TMEM132B: variants seen among roughly 807,000 people sequenced by gnomAD.
The protein encoded by TMEM132B is transmembrane protein 132B.
In TMEM132B, 18 loss-of-function variants were observed where a neutral mutation model predicts 90.8. That is an observed-to-expected ratio of 0.20 (90% CI 0.14 to 0.29). TMEM132B has a LOEUF of 0.29. Ranked by LOEUF, TMEM132B falls within the 10% of genes least tolerant of loss-of-function variation. The pLI is 1.00. For missense variants in TMEM132B, 1,096 were observed against 1,326.8 expected, an observed-to-expected ratio of 0.83 and a Z score of 2.70; for synonymous variants, 504 against 523.3, an observed-to-expected ratio of 0.96 and a Z score of 0.50.
At chr12:125,435,464 T>C (rs1880672919) in intron 3 of TMEM132B, among the ~76,000 whole-genome samples, 1 of 152,130 alleles carries the variant, frequency 6.6e-6, no homozygotes, top group Non-Finnish European at 1.5e-5. Flanking sequence ...ACATCCTCCC[T>C]GGTCGCCAAG....
At chr12:125,280,318 C>A (rs1875122203) in intron 1 of TMEM132B, among the ~76,000 whole-genome samples, 1 of 152,142 alleles carries the variant, frequency 6.6e-6, no homozygotes, top group Admixed American at 6.5e-5. Context: ...TGTATAAAAA[C>A]TTCACTATGT....
At chr12:125,206,522 A>G (rs749897683) in intron 1 of TMEM132B, among the ~76,000 whole-genome samples, 11 of 152,042 alleles carry the variant, frequency 7.2e-5, no homozygotes, top group Non-Finnish European at 1.6e-4. Context: ...ACAGGAGTGA[A>G]CTACTGCCCC....
intron 4 of TMEM132B, among the ~76,000 whole-genome samples, chr12:125,567,447 A>G (rs7956406): frequency 0.95 from 144,609 of 151,994 alleles, 68,835 homozygotes; most frequent in African/African-American, 0.98. Flanking sequence ...CCTGCCCCAC[A>G]CATCTCTTTC....
chr12:125,233,347 T>C (rs1216752343), intron 1 of TMEM132B, among the ~76,000 whole-genome samples: 2 of 152,230 alleles, frequency 1.3e-5, no homozygotes, highest in Non-Finnish European at 2.9e-5. Flanking sequence ...CATCTTTGGC[T>C]TGTGACTTCC....
intron 5 of TMEM132B, among the ~76,000 whole-genome samples, chr12:125,639,374 C>T (rs1886570617): frequency 6.6e-6 from 1 of 152,224 alleles, no homozygotes; most frequent in African/African-American, 2.4e-5. Context: ...TGCCTTCTTA[C>T]AGATACACAC....
At chr12:125,364,175 G>A (rs929364827) in intron 2 of TMEM132B, among the ~76,000 whole-genome samples, 2 of 152,080 alleles carry the variant, frequency 1.3e-5, no homozygotes, top group Non-Finnish European at 2.9e-5. Context: ...AAGGTTGAAG[G>A]GTGTCTAGGG....
At chr12:125,255,309 CT>C (rs1183701763) in intron 1 of TMEM132B, among the ~76,000 whole-genome samples, 8 of 152,018 alleles carry the variant, frequency 5.3e-5, no homozygotes, top group Admixed American at 2.0e-4. Flanking sequence ...CTCACCCCCC[CT>C]CCTCTCTTCT....
chr12:125,321,450 T>C (rs554956505), intron 1 of TMEM132B, among the ~76,000 whole-genome samples: 1 of 151,604 alleles, frequency 6.6e-6, no homozygotes, highest in African/African-American at 2.4e-5. Flanking sequence ...GAATGTAAAA[T>C]GGTGTAGTCA....
intron 1 of TMEM132B, among the ~76,000 whole-genome samples, chr12:125,206,526 C>T (rs1471025350): frequency 1.3e-5 from 2 of 152,218 alleles, no homozygotes; most frequent in Non-Finnish European, 2.9e-5. Flanking sequence ...GAGTGAACTA[C>T]TGCCCCTGGT....
intron 1 of TMEM132B, among the ~76,000 whole-genome samples, chr12:125,281,764 C>A (rs1875184445): frequency 6.6e-6 from 1 of 152,042 alleles, no homozygotes; most frequent in South Asian, 2.1e-4. Flanking sequence ...CGCGGTGGCT[C>A]ACGCCTGTAA....
chr12:125,615,237 A>G (rs567122314), intron 5 of TMEM132B, among the ~76,000 whole-genome samples: 4 of 152,034 alleles, frequency 2.6e-5, no homozygotes, highest in Non-Finnish European at 5.9e-5. Flanking sequence ...GTTTTCAATC[A>G]TTATTTCTTC....
In TMEM132B at chr12:125,209,973, A is replaced by C. The variant is rs1873282556; in HGVS notation, c.67+23107A>C. 6.6e-6 allele frequency among the ~76,000 whole-genome samples: 1 copy of C among 152,156 alleles called. No homozygotes were observed. On this transcript the variant is annotated intron_variant, in intron 1 of 8. Transcript: ENST00000682704. The surrounding 1 kb of genome is among the most constrained non-coding windows in gnomAD (Gnocchi z 4.4). The stretch of plus-strand genomic sequence containing the variant: ...TCATTCATTCAACAGGTATTAATGC[A>C]ATGGAGTCTCCTCTGTGTCAGGCAG...
Position 125,656,588 on chromosome 12 carries a change from A to C in TMEM132B, c.*1878A>C, listed in dbSNP as rs901199451. On this transcript the variant is annotated 3_prime_UTR_variant, in exon 9 of 9. Transcript: ENST00000682704. ...AGGAACCGAAGCTGATGAAGTTCCA[A>C]AAGTAGTTCAGTTTGATGGGATAAG... The C allele has an allele frequency of 3.3e-5, 5 of 152,232 alleles. No individual in the cohort carries two copies. The highest frequency in any genetic ancestry group is 9.6e-5 in the African/African-American group (4 of 41,454). The allele number at this position is 152,232 out of a possible 1,614,324, so 9.4% of individuals were successfully genotyped here. A position where few individuals can be genotyped will look rare whatever the true frequency, so the allele number is the denominator to read the frequency against.
chr12:125,612,208 G>C (rs1885848124), intron 5 of TMEM132B, among the ~76,000 whole-genome samples: 1 of 151,998 alleles, frequency 6.6e-6, no homozygotes. Context: ...AGGCACGGTG[G>C]CTCACGCCTA....
rs529259871 is a variant in TMEM132B, at chr12:125,357,101, T to C, written c.959+6758T>C. Among the ~76,000 whole-genome samples the C allele has an allele frequency of 5.9e-5, 9 of 152,314 alleles. No homozygotes were observed. The South Asian group carries it at 1.9e-3, about 32-fold the overall frequency. The stretch of plus-strand genomic sequence containing the variant: ...ACTTGTTGAATGAATGAATGTATCC[T>C]AGGTATTGTGAGGCATTGTTCCCAG... On this transcript the variant is annotated intron_variant, in intron 2 of 8. Coordinates refer to ENST00000682704, the MANE Select transcript of TMEM132B (RefSeq NM_001366854.1).
At chr12:125,392,046 C>T (rs1053933320) in intron 2 of TMEM132B, among the ~76,000 whole-genome samples, 3 of 152,214 alleles carry the variant, frequency 2.0e-5, no homozygotes, top group African/African-American at 7.2e-5. Flanking sequence ...GGATTACAGG[C>T]ATCAGCCACT....
intron 1 of TMEM132B, among the ~76,000 whole-genome samples, chr12:125,343,147 A>G (rs1877246100): frequency 6.6e-6 from 1 of 152,174 alleles, no homozygotes; most frequent in African/African-American, 2.4e-5. Flanking sequence ...CCTTAATCCA[A>G]GAGCATTTGG....
At chr12:125,424,990 C>T (rs942571149) in intron 3 of TMEM132B, among the ~76,000 whole-genome samples, 1 of 151,966 alleles carries the variant, frequency 6.6e-6, no homozygotes. Flanking sequence ...TCTAAACAGA[C>T]TTAGCAGATC....
At chr12:125,483,067 G>A (rs907179795) in intron 3 of TMEM132B, among the ~76,000 whole-genome samples, 6 of 151,372 alleles carry the variant, frequency 4.0e-5, no homozygotes, top group South Asian at 4.3e-4. Context: ...GACACAGGGC[G>A]GGGAACATCA....
Sources: allele counts gnomAD v4.1 joint callset (sites outside exome capture counted in the v4.1 genomes callset), GRCh38; gene constraint gnomAD v4.1.1; non-coding constraint Gnocchi (gnomAD v3.1); transcripts MANE v1.5; gene names NCBI Gene and HGNC (gene_info 2026-07-23, HGNC 2026-07-21).